The following GALNT17 variants were observed in gnomAD, a reference collection of about 807,000 sequenced individuals.
GALNT17 encodes the protein polypeptide N-acetylgalactosaminyltransferase 17.
A neutral mutation model predicts 63.7 loss-of-function variants in GALNT17; 29 were observed. The ratio of observed to expected loss-of-function variants is 0.46; its 90% CI spans 0.34 to 0.62. The LOEUF (loss-of-function observed/expected upper bound fraction) is 0.62. GALNT17 is among the 20% of genes least tolerant of loss of function. The probability of loss-of-function intolerance (pLI) is 0.01; values close to 1 mark genes in which losing one functional copy is unlikely to be tolerated. For synonymous variants in GALNT17, 305 were observed against 318.3 expected, an observed-to-expected ratio of 0.96 and a Z score of 0.45; for missense variants, 603 against 799.6, an observed-to-expected ratio of 0.75 and a Z score of 2.97.
chr7:71,413,408 C>T (rs1479940626), intron 3 of GALNT17, among the ~76,000 whole-genome samples: 1 of 151,952 alleles, frequency 6.6e-6, no homozygotes, highest in African/African-American at 2.4e-5. Context: ...CCTTGTTTCC[C>T]AGGCTGGAGT....
At chr7:71,666,636 T>C (rs1451608102) in intron 7 of GALNT17, among the ~76,000 whole-genome samples, 2 of 152,004 alleles carry the variant, frequency 1.3e-5, no homozygotes, top group Non-Finnish European at 2.9e-5. Flanking sequence ...CTCCCACATA[T>C]CAATGAAAAC....
chr7:71,159,875 G>T (rs1444999483), intron 1 of GALNT17, among the ~76,000 whole-genome samples: 1 of 149,606 alleles, frequency 6.7e-6, no homozygotes, highest in African/African-American at 2.5e-5. Context: ...TCCACTTTCT[G>T]GGTTCAAGCA....
intron 5 of GALNT17, among the ~76,000 whole-genome samples, chr7:71,509,267 A>G (rs543590294): frequency 6.6e-6 from 1 of 152,232 alleles, no homozygotes; most frequent in Non-Finnish European, 1.5e-5. Context: ...TTCTGAGCAC[A>G]TGTAATATAG....
intron 9 of GALNT17, among the ~76,000 whole-genome samples, chr7:71,692,219 C>A (rs989464236): frequency 1.3e-5 from 2 of 152,110 alleles, no homozygotes; most frequent in African/African-American, 4.8e-5. Flanking sequence ...GTCAGTGTGC[C>A]TGGCCCTTCT....
At chr7:71,468,363 T>A (rs992331781) in intron 5 of GALNT17, among the ~76,000 whole-genome samples, 6 of 151,656 alleles carry the variant, frequency 4.0e-5, no homozygotes, top group Non-Finnish European at 7.4e-5. Flanking sequence ...ATAGATGAGA[T>A]TGCCCAAAAT....
intron 2 of GALNT17, among the ~76,000 whole-genome samples, chr7:71,363,371 T>C (rs1298818661): frequency 6.6e-6 from 1 of 152,218 alleles, no homozygotes; most frequent in Non-Finnish European, 1.5e-5. Context: ...ACAGTGGTGA[T>C]TGAGAGGCAA....
intron 6 of GALNT17, among the ~76,000 whole-genome samples, chr7:71,603,025 G>A (rs1208954605): frequency 6.6e-6 from 1 of 152,132 alleles, no homozygotes; most frequent in Non-Finnish European, 1.5e-5. Flanking sequence ...TGTGCTAAGT[G>A]CATATACCAG....
At chr7:71,552,261 T>C (rs1584044400) in intron 5 of GALNT17, among the ~76,000 whole-genome samples, 3 of 152,078 alleles carry the variant, frequency 2.0e-5, no homozygotes, top group Middle Eastern at 6.8e-3. Context: ...GCCAGGCTGG[T>C]CTTGAACTCC....
intron 1 of GALNT17, among the ~76,000 whole-genome samples, chr7:71,273,029 A>G (rs969219347): frequency 1.3e-5 from 2 of 151,124 alleles, no homozygotes; most frequent in African/African-American, 4.9e-5. Flanking sequence ...TCAGGTCCAA[A>G]GTAAAAACAC....
intron 5 of GALNT17, among the ~76,000 whole-genome samples, chr7:71,561,376 ACACT>A (rs1315321042): frequency 4.6e-5 from 7 of 152,164 alleles, no homozygotes; most frequent in African/African-American, 1.7e-4. Context: ...TACTACGAAA[ACACT>A]CAGTACTGAT....
At chr7:71,445,021 T>C (rs1366765914) in intron 5 of GALNT17, among the ~76,000 whole-genome samples, 1 of 151,840 alleles carries the variant, frequency 6.6e-6, no homozygotes, top group African/African-American at 2.4e-5. Flanking sequence ...GAGGGTTTTA[T>C]GGGGGAATGG....
At chr7:71,421,216 C>T in intron 5 of GALNT17, 111 bp downstream of exon 5, 1 of 1,157,558 alleles carries the variant, frequency 8.6e-7, no homozygotes, top group Admixed American at 2.5e-5. Flanking sequence ...GCTGTGTGCA[C>T]ACAGCTCTCC....
chr7:71,347,776 G>T (rs1230267921), intron 2 of GALNT17, among the ~76,000 whole-genome samples: 1 of 152,086 alleles, frequency 6.6e-6, no homozygotes, highest in Non-Finnish European at 1.5e-5. Flanking sequence ...AACATATTGA[G>T]GAAGATTCAG....
intron 1 of GALNT17, among the ~76,000 whole-genome samples, chr7:71,221,256 C>T (rs1364876758): frequency 6.6e-6 from 1 of 152,138 alleles, no homozygotes; most frequent in Non-Finnish European, 1.5e-5. Flanking sequence ...CCACAAAAGA[C>T]AGGATCTCCT....
intron 6 of GALNT17, among the ~76,000 whole-genome samples, chr7:71,641,907 T>A (rs559962704): frequency 2.1e-4 from 32 of 152,244 alleles, no homozygotes; most frequent in Non-Finnish European, 4.4e-4. Flanking sequence ...CTAGTTAGCA[T>A]TTCTGAGGCT....
intron 2 of GALNT17, among the ~76,000 whole-genome samples, chr7:71,370,712 C>T (rs1380000131): frequency 2.0e-5 from 3 of 152,154 alleles, no homozygotes; most frequent in African/African-American, 7.2e-5. Flanking sequence ...AATTGATCTG[C>T]CCACCTCAGC....
rs1053566849 is a variant in GALNT17 at position 71,257,940 on chromosome 7, T to A, written c.239-77610T>A. On this transcript the variant is annotated intron_variant, in intron 1 of 10. Coordinates refer to ENST00000333538, the MANE Select transcript of GALNT17 (RefSeq NM_022479.3). ...ACTCCTGGAAGACCATGTGACACCA[T>A]GAGCCAGCTGTATTTGACCTCTGCA... is the stretch of plus-strand genomic sequence containing the variant. Among the ~76,000 whole-genome samples, 9 of 152,316 alleles carry A rather than the reference T, an allele frequency of 5.9e-5. No homozygotes were observed. In the South Asian group the frequency reaches 1.9e-3, roughly 32 times the overall value.
At chr7:71,367,733 T>C (rs898461571) in intron 2 of GALNT17, among the ~76,000 whole-genome samples, 1 of 152,222 alleles carries the variant, frequency 6.6e-6, no homozygotes, top group Non-Finnish European at 1.5e-5. Context: ...GCTCTTCCTA[T>C]CAGACCAAAT....
intron 8 of GALNT17, among the ~76,000 whole-genome samples, chr7:71,673,354 G>A (rs10231680): frequency 0.14 from 20,915 of 151,972 alleles, 2,452 homozygotes; most frequent in East Asian, 0.58. Flanking sequence ...TAAATGGTGC[G>A]TACAAAAGTT....
Sources: allele counts gnomAD v4.1 joint callset (sites outside exome capture counted in the v4.1 genomes callset), GRCh38; gene constraint gnomAD v4.1.1; transcripts MANE v1.5; gene names NCBI Gene and HGNC (gene_info 2026-07-23, HGNC 2026-07-21).